Variants in GRIK3 observed in about 807,000 individuals in gnomAD.
The protein encoded by GRIK3 is glutamate ionotropic receptor kainate type subunit 3, also known as glutamate receptor ionotropic, kainate 3.
A neutral mutation model predicts 102.5 loss-of-function variants in GRIK3; 29 were observed. The ratio of observed to expected loss-of-function variants is 0.28; its 90% CI spans 0.21 to 0.39. The LOEUF (loss-of-function observed/expected upper bound fraction) is 0.39. Ranked by LOEUF, GRIK3 falls within the 10% of genes least tolerant of loss-of-function variation. The pLI is 1.00. For missense variants in GRIK3, 908 were observed against 1,252.4 expected, an observed-to-expected ratio of 0.73 and a Z score of 4.15; for synonymous variants, 511 against 504.9, an observed-to-expected ratio of 1.01 and a Z score of -0.16.
At chr1:36,817,388 C>A in intron 12 of GRIK3, 111 bp from the exon 13 acceptor site, 1 of 727,674 alleles carries the variant, frequency 1.4e-6, no homozygotes, top group East Asian at 2.6e-5. Flanking sequence ...AGGCCCTTTC[C>A]CAAGACCAGT....
At chr1:36,897,080 T>G (rs932014400) in intron 1 of GRIK3, among the ~76,000 whole-genome samples, 1 of 152,138 alleles carries the variant, frequency 6.6e-6, no homozygotes. Context: ...TCCTCTAAGA[T>G]CAGTGACAAG....
In GRIK3 at chr1:36,800,503, G is replaced by C. The variant is rs1339076448; in HGVS notation, c.*1348C>G. On this transcript the variant is annotated 3_prime_UTR_variant, in exon 16 of 16. Transcript: ENST00000373091. Reference sequence around the variant, plus strand: ...GCTACTTCTCTGCTGTCTTCCCCAAGCCCCACAATGCCATAGCTGCTCTGG... The same window carrying C: ...GCTACTTCTCTGCTGTCTTCCCCAACCCCCACAATGCCATAGCTGCTCTGG... 3 of 152,274 alleles carry C rather than the reference G, an allele frequency of 2.0e-5. No homozygotes were observed. Among genetic ancestry groups the C allele is most frequent in the Non-Finnish European group, 4.4e-5 (3 of 68,088 alleles). The allele number at this position is 152,274 out of a possible 1,614,324, so 9.4% of individuals were successfully genotyped here.
intron 1 of GRIK3, among the ~76,000 whole-genome samples, chr1:36,923,030 C>A (rs765566348): frequency 2.6e-5 from 4 of 152,180 alleles, no homozygotes; most frequent in Non-Finnish European, 5.9e-5. Context: ...ATTAAATATG[C>A]AGAATCTCAT....
intron 1 of GRIK3, among the ~76,000 whole-genome samples, chr1:36,952,155 T>C (rs945003176): frequency 3.3e-5 from 5 of 152,176 alleles, no homozygotes; most frequent in Non-Finnish European, 7.4e-5. Flanking sequence ...CAGTGTTCTT[T>C]CTGCTGTACA....
intron 1 of GRIK3, among the ~76,000 whole-genome samples, chr1:37,012,631 T>G (rs1285675815): frequency 6.6e-6 from 1 of 152,216 alleles, no homozygotes; most frequent in Non-Finnish European, 1.5e-5. Flanking sequence ...CACATTTCTC[T>G]GTGTTTTCAG....
chr1:36,863,595 T>C (rs1391694156), intron 5 of GRIK3, among the ~76,000 whole-genome samples: 1 of 152,172 alleles, frequency 6.6e-6, no homozygotes, highest in Non-Finnish European at 1.5e-5. Context: ...ATGCCTTCTA[T>C]TTCCAGGCAA....
At chr1:37,011,320 C>T (rs1642594485) in intron 1 of GRIK3, among the ~76,000 whole-genome samples, 2 of 152,216 alleles carry the variant, frequency 1.3e-5, no homozygotes, top group Non-Finnish European at 2.9e-5. Context: ...CTTACAAGCC[C>T]TGAGCTCTAT....
At chr1:36,946,212 T>A (rs56107804) in intron 1 of GRIK3, among the ~76,000 whole-genome samples, 1 of 152,236 alleles carries the variant, frequency 6.6e-6, no homozygotes, top group Non-Finnish European at 1.5e-5. Flanking sequence ...CCCTGACACC[T>A]GGAGCCTGGG....
chr1:36,846,452 G>C (rs1426634227), intron 9 of GRIK3, among the ~76,000 whole-genome samples: 1 of 152,192 alleles, frequency 6.6e-6, no homozygotes, highest in African/African-American at 2.4e-5. Context: ...AGAAAGGGGA[G>C]GAGAAACTCC....
intron 1 of GRIK3, among the ~76,000 whole-genome samples, chr1:37,020,852 CG>C (rs1321981272): frequency 6.6e-6 from 1 of 152,214 alleles, no homozygotes. Flanking sequence ...CGGCTACCCC[CG>C]GCCCTGGCTG....
At position 36,957,454 on chromosome 1, in the gene GRIK3, TGTG is replaced by T. The variant is rs1641928875; in HGVS notation, c.116-66361_116-66359del. ...CTCTGTGCTCTGTGAGTCTGTGCCC[TGTG>T]AGCCTATGTGCTCTGTGAGTCTGTG... On this transcript the variant is annotated intron_variant, in intron 1 of 15. Transcript: ENST00000373091. Among the ~76,000 whole-genome samples the T allele has an allele frequency of 2.1e-3, 104 of 48,776 alleles. 8 individuals carry two copies. The highest frequency in any genetic ancestry group is 0.012 in the Middle Eastern group (1 of 84). 32.0% of individuals were successfully genotyped at this position (48,776 alleles called of 152,430 possible).
At chr1:36,910,326 A>T (rs747700706) in intron 1 of GRIK3, among the ~76,000 whole-genome samples, 1 of 152,202 alleles carries the variant, frequency 6.6e-6, no homozygotes, top group Non-Finnish European at 1.5e-5. Context: ...TGTTGTGGAG[A>T]TTAATTGAGA....
intron 3 of GRIK3, among the ~76,000 whole-genome samples, chr1:36,876,642 C>T (rs1640915308): frequency 1.3e-5 from 2 of 152,310 alleles, no homozygotes; most frequent in South Asian, 4.1e-4. Flanking sequence ...ACACAATCTC[C>T]AAAGCAAACA....
chr1:36,905,123 A>G (rs993768675), intron 1 of GRIK3, among the ~76,000 whole-genome samples: 1 of 152,008 alleles, frequency 6.6e-6, no homozygotes, highest in African/African-American at 2.4e-5. Context: ...ATTATAGGGG[A>G]AAAAAAGAGA....
At chr1:37,021,849 T>A (rs1642718467) in intron 1 of GRIK3, among the ~76,000 whole-genome samples, 1 of 152,132 alleles carries the variant, frequency 6.6e-6, no homozygotes, top group Non-Finnish European at 1.5e-5. Context: ...GCCCAGTCAG[T>A]CAGGAACTGG....
At chr1:36,915,914 C>G (rs1641394036) in intron 1 of GRIK3, among the ~76,000 whole-genome samples, 1 of 152,014 alleles carries the variant, frequency 6.6e-6, no homozygotes, top group South Asian at 2.1e-4. Context: ...TGAAAAGATA[C>G]CTGAAAATGT....
chr1:37,015,554 G>A (rs1642644870), intron 1 of GRIK3, among the ~76,000 whole-genome samples: 1 of 152,296 alleles, frequency 6.6e-6, no homozygotes, highest in African/African-American at 2.4e-5. Flanking sequence ...CCCTTCTGCA[G>A]CCACCTCCTG....
intron 10 of GRIK3, among the ~76,000 whole-genome samples, chr1:36,828,271 G>A (rs1004404004): frequency 6.6e-6 from 1 of 152,124 alleles, no homozygotes; most frequent in Non-Finnish European, 1.5e-5. Flanking sequence ...ATGTTGACGT[G>A]AGAGAGATGT....
chr1:37,029,401 C>T (rs985674111), intron 1 of GRIK3, among the ~76,000 whole-genome samples: 3 of 152,184 alleles, frequency 2.0e-5, no homozygotes, highest in African/African-American at 4.8e-5. Flanking sequence ...GAGTGAAGCA[C>T]CCGCTGTTTC....
Sources: allele counts gnomAD v4.1 joint callset (sites outside exome capture counted in the v4.1 genomes callset), GRCh38; gene constraint gnomAD v4.1.1; transcripts MANE v1.5; gene names NCBI Gene and HGNC (gene_info 2026-07-23, HGNC 2026-07-21).